The following PRICKLE1 variants were observed in gnomAD, a reference collection of about 807,000 sequenced individuals.
PRICKLE1 encodes prickle-like protein 1.
Under a neutral mutation model 70.2 loss-of-function variants are expected in PRICKLE1, and 14 were observed. The observed-to-expected ratio is 0.20, with a 90% CI of 0.13 to 0.31. The LOEUF is 0.31. PRICKLE1 is among the 10% of genes least tolerant of loss of function. The probability of loss-of-function intolerance (pLI) is 1.00; values close to 1 mark genes in which losing one functional copy is unlikely to be tolerated. For missense variants in PRICKLE1, 821 were observed against 1,026.2 expected (o/e 0.80, Z 2.73); for synonymous variants, 357 against 379.9 (o/e 0.94, Z 0.70).
chr12:42,468,076 TG>T (rs1938173178), intron 5 of PRICKLE1, among the ~76,000 whole-genome samples: 1 of 152,224 alleles, frequency 6.6e-6, no homozygotes, highest in African/African-American at 2.4e-5. Context: ...GAGAAGGGCA[TG>T]CAGGATCTCT....
chr12:42,464,434 G>T lies in PRICKLE1; in HGVS notation c.1600C>A (p.Arg534=), dbSNP rs936545109. Reference sequence around the variant, plus strand: ...AATGCCAAAGAATCCATCGAATCCCGAACACTTTGCTCTGGTTTCAGGTCT... The same window carrying T: ...AATGCCAAAGAATCCATCGAATCCCTAACACTTTGCTCTGGTTTCAGGTCT... The part of the protein sequence containing the change: ...LSDLKPEQSV[R]DSMDSLALSN... Residue 534 remains arginine (R), a synonymous_variant, in exon 7 of 8, where the codon CGG becomes AGG. Coordinates refer to ENST00000345127, the MANE Select transcript of PRICKLE1 (RefSeq NM_153026.3). This position sits in a 1 kb window ranked among gnomAD's most constrained non-coding sequence, Gnocchi z 4.2. The T allele has an allele frequency of 1.2e-6, 2 of 1,613,778 alleles. No individual in the cohort carries two copies. Among genetic ancestry groups the T allele is most frequent in the Non-Finnish European group, 1.7e-6 (2 of 1,180,016 alleles).
In PRICKLE1 at chr12:42,459,591, G is replaced by A. The variant is rs537460102; in HGVS notation, c.*218C>T. ...TAACGCACCCGCACCGGACAGGCAC[G>A]AGATGTCACGTCCACCTGGCACCAT... On this transcript the variant is annotated 3_prime_UTR_variant, in exon 8 of 8. Coordinates refer to ENST00000345127, the MANE Select transcript of PRICKLE1 (RefSeq NM_153026.3). The A allele has an allele frequency of 3.5e-4, 229 of 648,138 alleles. 2 individuals are homozygous for A. Among genetic ancestry groups the A allele is most frequent in the African/African-American group, 9.1e-5 (5 of 54,918 alleles). 40.1% of individuals were successfully genotyped at this position (648,138 alleles called of 1,614,324 possible). A position where few individuals can be genotyped will look rare whatever the true frequency, so the allele number is the denominator to read the frequency against.
chr12:42,538,299 C>T (rs752593027), intron 1 of PRICKLE1, among the ~76,000 whole-genome samples: 5 of 152,126 alleles, frequency 3.3e-5, no homozygotes, highest in Non-Finnish European at 5.9e-5. Flanking sequence ...CAGCTAGTAG[C>T]TTCATACTAG....
chr12:42,571,670 G>T (rs1940715975), intron 1 of PRICKLE1, among the ~76,000 whole-genome samples: 2 of 152,212 alleles, frequency 1.3e-5, no homozygotes, highest in African/African-American at 4.8e-5. Flanking sequence ...AGGAATTCAG[G>T]TGTCCTGGGT....
intron 1 of PRICKLE1, chr12:42,483,539 C>T (rs1041478046): frequency 1.3e-5 from 2 of 152,008 alleles, no homozygotes; most frequent in African/African-American, 4.8e-5. Flanking sequence ...GGGTGCCCTA[C>T]GAGTCACCCG....
At chr12:42,547,624 A>T (rs1439375844) in intron 1 of PRICKLE1, among the ~76,000 whole-genome samples, 1 of 152,216 alleles carries the variant, frequency 6.6e-6, no homozygotes, top group East Asian at 1.9e-4. Flanking sequence ...ACTGAATGGG[A>T]TAACGTATAC....
At chr12:42,552,188 T>C (rs1316433456) in intron 1 of PRICKLE1, among the ~76,000 whole-genome samples, 1 of 150,054 alleles carries the variant, frequency 6.7e-6, no homozygotes, top group African/African-American at 2.4e-5. Flanking sequence ...CACCTCAGCC[T>C]CCCAAGTAGC....
chr12:42,496,329 A>T (rs757203907), intron 1 of PRICKLE1, among the ~76,000 whole-genome samples: 31 of 152,366 alleles, frequency 2.0e-4, no homozygotes, highest in Admixed American at 3.3e-4. Flanking sequence ...ATAAACAGAT[A>T]TGTTGTCATC....
rs891203427 is a variant in PRICKLE1 at position 42,537,013 on chromosome 12, C to G, written c.-49+52452G>C. ...CACCTATAGAGTTGTTTTGGCTCCT[C>G]TTGATTCTTACATTTACAAAAATTT... On this transcript the variant is annotated intron_variant, in intron 1 of 7. Coordinates refer to ENST00000345127, the MANE Select transcript of PRICKLE1 (RefSeq NM_153026.3). Among the ~76,000 whole-genome samples the G allele has an allele frequency of 2.6e-5, 4 of 152,140 alleles. No individual in the cohort carries two copies. In the East Asian group the frequency reaches 7.7e-4, roughly 29 times the overall value.
At chr12:42,478,915 T>G (rs1171963641) in intron 1 of PRICKLE1, among the ~76,000 whole-genome samples, 1 of 152,104 alleles carries the variant, frequency 6.6e-6, no homozygotes, top group Non-Finnish European at 1.5e-5. Flanking sequence ...ATCATCATTG[T>G]CAAGAGAACA....
intron 3 of PRICKLE1, chr12:42,469,817 A>G: frequency 1.8e-6 from 1 of 556,010 alleles, no homozygotes; most frequent in Non-Finnish European, 3.1e-6. Flanking sequence ...TTTAATTGAA[A>G]ACCCTTATCA....
At chr12:42,587,030 A>G (rs1440967678) in intron 1 of PRICKLE1, among the ~76,000 whole-genome samples, 1 of 152,214 alleles carries the variant, frequency 6.6e-6, no homozygotes, top group Non-Finnish European at 1.5e-5. Context: ...GGGGGACTCA[A>G]GCTGACTTAT....
chr12:42,583,290 T>C lies in PRICKLE1; in HGVS notation c.-49+6175A>G, dbSNP rs1244187282. ...ACTGTGGGTTTTGTCTCTATAGCAA[T>C]GGGCCTGGGTAAGGTGGATGTGTCT... is the stretch of plus-strand genomic sequence containing the variant. On this transcript the variant is annotated intron_variant, in intron 1 of 7. Coordinates refer to ENST00000345127, the MANE Select transcript of PRICKLE1 (RefSeq NM_153026.3). Among the ~76,000 whole-genome samples, 4 of 152,200 alleles carry C rather than the reference T, an allele frequency of 2.6e-5. No homozygotes were observed. The East Asian group carries it at 7.7e-4, about 29-fold the overall frequency.
At position 42,493,881 on chromosome 12, in the gene PRICKLE1, G is replaced by T. The variant is rs1418450969; in HGVS notation, c.-48-21317C>A. ...TAAAAAAAAAAAAAAGAAAAGAAAA[G>T]AAAAAAAGAGAACGAAAGAAAGAAA... On this transcript the variant is annotated intron_variant, in intron 1 of 7. Coordinates refer to ENST00000345127, the MANE Select transcript of PRICKLE1 (RefSeq NM_153026.3). Among the ~76,000 whole-genome samples the T allele has an allele frequency of 2.0e-5, 3 of 149,432 alleles. No homozygotes were observed. The East Asian group carries it at 5.8e-4, about 29-fold the overall frequency.
chr12:42,570,484 C>T (rs566499244), intron 1 of PRICKLE1, among the ~76,000 whole-genome samples: 1 of 152,284 alleles, frequency 6.6e-6, no homozygotes, highest in South Asian at 2.1e-4. Context: ...CTTTCATATC[C>T]ACTTCAGTGG....
In PRICKLE1 at chr12:42,501,640, G is replaced by A. The variant is rs1272305084; in HGVS notation, c.-48-29076C>T. On this transcript the variant is annotated intron_variant, in intron 1 of 7. Transcript: ENST00000345127. ...TCCCTAACATGCAACTGATTCCTAC[G>A]AATATCTTTCATGAAGTGGCTTTTT... Among the ~76,000 whole-genome samples, 8 of 151,218 alleles carry A rather than the reference G, an allele frequency of 5.3e-5. No homozygotes were observed. The South Asian group carries it at 6.3e-4, about 12-fold the overall frequency.
chr12:42,488,077 A>C (rs1939021405), intron 1 of PRICKLE1, among the ~76,000 whole-genome samples: 1 of 152,082 alleles, frequency 6.6e-6, no homozygotes, highest in African/African-American at 2.4e-5. Flanking sequence ...AAACATCTCG[A>C]TATAGAAACA....
At chr12:42,542,468 T>C (rs559570678) in intron 1 of PRICKLE1, among the ~76,000 whole-genome samples, 1 of 152,174 alleles carries the variant, frequency 6.6e-6, no homozygotes, top group South Asian at 2.1e-4. Flanking sequence ...CTGACCAATA[T>C]GGTGAAACTC....
chr12:42,551,589 G>T (rs1469610694), intron 1 of PRICKLE1, among the ~76,000 whole-genome samples: 1 of 152,150 alleles, frequency 6.6e-6, no homozygotes, highest in Non-Finnish European at 1.5e-5. Flanking sequence ...AAAGAATAAG[G>T]GTGCCATCTC....
Sources: gnomAD v4.1 joint callset for allele counts (sites outside exome capture counted in the v4.1 genomes callset) on GRCh38, gnomAD v4.1.1 for gene constraint, Gnocchi (gnomAD v3.1) non-coding constraint, MANE v1.5 for transcripts, NCBI Gene and HGNC (gene_info 2026-07-23, HGNC 2026-07-21) for gene names.